The following DUSP4 variants were observed in gnomAD, a reference collection of about 807,000 sequenced individuals.
DUSP4 encodes the protein dual specificity phosphatase 4.
Under a neutral mutation model 27.2 loss-of-function variants are expected in DUSP4, and 12 were observed. The ratio of observed to expected loss-of-function variants is 0.44; its 90% CI spans 0.28 to 0.71. The LOEUF is 0.71. Among genes scored for constraint, DUSP4 ranks in the 30% least tolerant of loss-of-function variants. DUSP4 has a pLI of 0.14. For missense variants in DUSP4, 448 were observed against 551.3 expected (o/e 0.81, Z 1.88); for synonymous variants, 257 against 245.2 (o/e 1.05, Z -0.45).
intron 1 of DUSP4, chr8:29,345,580 T>C: frequency 2.0e-6 from 3 of 1,518,528 alleles, no homozygotes; most frequent in Middle Eastern, 1.8e-4. Flanking sequence ...GGAAATCGGC[T>C]CTCTGGTTTC....
chr8:29,347,009 A>G (rs1032295374), intron 1 of DUSP4, among the ~76,000 whole-genome samples: 11 of 152,232 alleles, frequency 7.2e-5, no homozygotes, highest in African/African-American at 2.7e-4. Flanking sequence ...AGACACGCAC[A>G]GGCACACCTG....
chr8:29,335,251 G>A lies in DUSP4; in HGVS notation c.*1775C>T, dbSNP rs1175917198. 8.0e-6 allele frequency: 1 copy of A among 124,626 alleles called. No individual in the cohort carries two copies. Among genetic ancestry groups the A allele is most frequent in the African/African-American group, 3.0e-5 (1 of 32,830 alleles). 7.7% of individuals were successfully genotyped at this position (124,626 alleles called of 1,614,324 possible). Reference sequence around the variant, plus strand: ...CACAGAAAACGTGTCTCCCTCCAAAGCCATTCTCCATTTAGAAAGGCCCAA... The same window carrying A: ...CACAGAAAACGTGTCTCCCTCCAAAACCATTCTCCATTTAGAAAGGCCCAA... On this transcript the variant is annotated 3_prime_UTR_variant, in exon 4 of 4. Coordinates refer to ENST00000240100, the MANE Select transcript of DUSP4 (RefSeq NM_001394.7).
rs1563859751 is a variant in DUSP4, at chr8:29,337,498, G to C, written c.800-87C>G. 2 of 1,499,468 alleles carry C rather than the reference G, an allele frequency of 1.3e-6. No individual in the cohort carries two copies. Among genetic ancestry groups the C allele is most frequent in the South Asian group, 1.3e-5 (1 of 75,172 alleles). 92.9% of individuals were successfully genotyped at this position (1,499,468 alleles called of 1,614,324 possible). A position where few individuals can be genotyped will look rare whatever the true frequency, so the allele number is the denominator to read the frequency against. On this transcript the variant is annotated intron_variant, in intron 3 of 3. Transcript: ENST00000240100. The surrounding 1 kb of genome is among the most constrained non-coding windows in gnomAD (Gnocchi z 6.4). ...ACCGGCCAGCCCCTGGGGTCGGGGG[G>C]CTCTGAAGGAAGGACTAGCCGTGCT...
At position 29,350,058 on chromosome 8, in the gene DUSP4, C is replaced by T. The variant is rs751865213; in HGVS notation, c.221G>A (p.Arg74Gln). 1 of 1,600,412 alleles carries T rather than the reference C, an allele frequency of 6.2e-7. No individual in the cohort carries two copies. Among genetic ancestry groups the T allele is most frequent in the Non-Finnish European group, 8.5e-7 (1 of 1,174,938 alleles). The change falls in exon 1 of 4, where the codon CGG (arginine) becomes CAG (glutamine). Residue 74 changes from arginine to glutamine, a missense_variant. Physicochemically the swap from Arg to Gln is conservative, Grantham distance 43 (BLOSUM62 1). Coordinates refer to ENST00000240100, the MANE Select transcript of DUSP4 (RefSeq NM_001394.7). The stretch of plus-strand genomic sequence containing the variant: ...GCTCACGGAGCCCTTAGCCCGCCGC[C>T]GCACGATGGTGTTACAGCGCACGTT... ...SVNVRCNTIV[R>Q]RRAKGSVSLE...
chr8:29,338,150 A>G (rs969061245), intron 3 of DUSP4, 132 bp downstream of exon 3: 22 of 906,340 alleles, frequency 2.4e-5, no homozygotes, highest in Non-Finnish European at 3.1e-5. Context: ...AGCCTTCCCA[A>G]TGAGGAAGAG....
At chr8:29,345,256 G>A (rs1270518579) in intron 1 of DUSP4, 2 of 1,261,196 alleles carry the variant, frequency 1.6e-6, no homozygotes, top group East Asian at 5.0e-5. Context: ...GAAAGTCTGG[G>A]GTTGTTTGAA....
intron 1 of DUSP4, among the ~76,000 whole-genome samples, chr8:29,344,338 TTC>T (rs889388135): frequency 3.3e-5 from 5 of 152,244 alleles, no homozygotes; most frequent in Non-Finnish European, 7.3e-5. Context: ...AATGAATGAA[TTC>T]TGTTTTTCCT....
At position 29,349,862 on chromosome 8, in the gene DUSP4, G is replaced by T; in HGVS notation, c.417C>A (p.Asp139Glu). 6.6e-7 allele frequency: 1 copy of T among 1,504,516 alleles called. No individual in the cohort carries two copies. Among genetic ancestry groups the T allele is most frequent in the East Asian group, 2.4e-5 (1 of 41,740 alleles). The allele number at this position is 1,504,516 out of a possible 1,614,324, so 93.2% of individuals were successfully genotyped here. Residue 139 changes from aspartate (D) to glutamate (E), a missense_variant, in exon 1 of 4, where the codon GAC becomes GAA. Around this residue, in one of 3 missense-constraint regions of DUSP4, gnomAD observed 345 missense variants for 394.0 expected, o/e 0.88. Coordinates refer to ENST00000240100, the MANE Select transcript of DUSP4 (RefSeq NM_001394.7). ...CTCGTTTACCTTTGAGCAGGCAGAT[G>T]TCGGTGCGCTCGGCGTTGCGGCGCA... is the stretch of plus-strand genomic sequence containing the variant. ...QALRRNAERT[D>E]ICLLKGGYER...
chr8:29,344,024 AGG>A (rs1356796154), intron 1 of DUSP4, among the ~76,000 whole-genome samples: 2 of 152,202 alleles, frequency 1.3e-5, no homozygotes, highest in African/African-American at 4.8e-5. Context: ...TTGTCTACAA[AGG>A]GGCTGGGCTC....
chr8:29,337,857 A>G lies in DUSP4; in HGVS notation c.799+425T>C, dbSNP rs1239270302. Among the ~76,000 whole-genome samples the G allele has an allele frequency of 6.6e-6, 1 of 152,152 alleles. No homozygotes were observed. The highest frequency in any genetic ancestry group is 2.4e-5 in the African/African-American group (1 of 41,410). On this transcript the variant is annotated intron_variant, in intron 3 of 3. Transcript: ENST00000240100. The surrounding 1 kb of genome is among the most constrained non-coding windows in gnomAD (Gnocchi z 6.4). ...TCCCAGCTACTCCAGAGGCTGAGGC[A>G]GGAGAATCACTTGCACCCCAGAAGC...
chr8:29,349,000 C>T (rs576749162), intron 1 of DUSP4, among the ~76,000 whole-genome samples: 1 of 152,204 alleles, frequency 6.6e-6, no homozygotes, highest in African/African-American at 2.4e-5. Flanking sequence ...TCGGACAGCA[C>T]GCGATTTTTC....
chr8:29,338,785 C>T lies in DUSP4; in HGVS notation c.580-284G>A, dbSNP rs368403894. ...ACCTCCCCCATGGCAAAATAAGCGG[C>T]AGGACAATGCCGGCCTTATGGCACC... On this transcript the variant is annotated intron_variant, in intron 2 of 3. Transcript: ENST00000240100. Among the ~76,000 whole-genome samples, 76 of 152,346 alleles carry T rather than the reference C, an allele frequency of 5.0e-4. No individual in the cohort carries two copies. The South Asian group carries it at 0.016, about 31-fold the overall frequency.
chr8:29,345,637 G>T, intron 1 of DUSP4: 1 of 1,486,302 alleles, frequency 6.7e-7, no homozygotes, highest in Non-Finnish European at 8.9e-7. Flanking sequence ...CGGGAAAGTG[G>T]CCACCCTTTC....
intron 1 of DUSP4, among the ~76,000 whole-genome samples, chr8:29,344,719 T>C (rs917221749): frequency 6.6e-5 from 10 of 152,146 alleles, no homozygotes; most frequent in Non-Finnish European, 1.5e-5. Flanking sequence ...TAGGAGATAA[T>C]GTATGTAAAA....
At chr8:29,339,835 C>T (rs892493228) in intron 2 of DUSP4, among the ~76,000 whole-genome samples, 3 of 139,356 alleles carry the variant, frequency 2.2e-5, no homozygotes, top group East Asian at 2.3e-4. Flanking sequence ...AAGACCCCCC[C>T]CCCCCATCTC....
intron 1 of DUSP4, chr8:29,348,589 C>T: frequency 1.0e-6 from 1 of 985,566 alleles, no homozygotes; most frequent in Non-Finnish European, 1.2e-6. Context: ...GGAACAAAGC[C>T]CCCCGCTGTC....
intron 1 of DUSP4, among the ~76,000 whole-genome samples, chr8:29,340,667 T>C (rs1817645071): frequency 6.6e-6 from 1 of 152,080 alleles, no homozygotes; most frequent in Non-Finnish European, 1.5e-5. Flanking sequence ...GGGGAGGTTC[T>C]CCAATGTGAG....
At chr8:29,341,060 C>G (rs1817650112) in intron 1 of DUSP4, among the ~76,000 whole-genome samples, 1 of 152,224 alleles carries the variant, frequency 6.6e-6, no homozygotes, top group Admixed American at 6.5e-5. Context: ...GACAACCTTT[C>G]AAGCCCTATC....
At chr8:29,344,547 A>C (rs991898662) in intron 1 of DUSP4, among the ~76,000 whole-genome samples, 3 of 152,102 alleles carry the variant, frequency 2.0e-5, no homozygotes, top group African/African-American at 7.2e-5. Flanking sequence ...AAGGAGTGTG[A>C]TTTTCATCAG....
Sources: gnomAD v4.1 joint callset for allele counts (sites outside exome capture counted in the v4.1 genomes callset) on GRCh38, gnomAD v4.1.1 for gene constraint, gnomAD v4.1.1 regional missense constraint, Gnocchi (gnomAD v3.1) non-coding constraint, MANE v1.5 for transcripts, NCBI Gene and HGNC (gene_info 2026-07-23, HGNC 2026-07-21) for gene names.